PCBP3: variants seen among roughly 807,000 people sequenced by gnomAD.
PCBP3 encodes poly(rC) binding protein 3, also known as poly(rC)-binding protein 3.
PCBP3 carries 25 observed loss-of-function variants against 52.7 expected under a neutral mutation model. The ratio of observed to expected loss-of-function variants is 0.47; its 90% confidence interval spans 0.35 to 0.66. PCBP3 has a LOEUF of 0.66. PCBP3 is among the 30% of genes least tolerant of loss of function. PCBP3 has a pLI of 0.01. For synonymous variants in PCBP3, 162 were observed against 183.0 expected (o/e 0.89, Z 0.93); for missense variants, 391 against 490.3 (o/e 0.80, Z 1.91).
chr21:45,881,009 G>T (rs2095390701), intron 5 of PCBP3, among the ~76,000 whole-genome samples: 1 of 152,196 alleles, frequency 6.6e-6, no homozygotes, highest in Admixed American at 6.5e-5. Context: ...GTGCTCCTGA[G>T]TGGACATGCC....
chr21:45,832,032 T>G (rs1293744841), intron 4 of PCBP3, among the ~76,000 whole-genome samples: 1 of 152,064 alleles, frequency 6.6e-6, no homozygotes, highest in East Asian at 1.9e-4. Flanking sequence ...ATTAAGAAGG[T>G]AAAGGGATAA....
Position 45,672,405 on chromosome 21 carries a change from A to G in PCBP3, c.-200+3453A>G, listed in dbSNP as rs2081228349. Among the ~76,000 whole-genome samples the G allele has an allele frequency of 3.9e-5, 6 of 152,068 alleles. No individual in the cohort carries two copies. The South Asian group carries it at 1.2e-3, about 31-fold the overall frequency. ...TCTTTCTTAGGGGTTAGGGGCTGCA[A>G]GATCCCACAGCCTGCTTTCTGCTTG... is the stretch of plus-strand genomic sequence containing the variant. On this transcript the variant is annotated intron_variant, in intron 2 of 17. Coordinates refer to ENST00000681687, the MANE Select transcript of PCBP3 (RefSeq NM_001384156.1).
In PCBP3 at chr21:45,821,344, C is replaced by A. The variant is rs1425415652; in HGVS notation, c.-125-28617C>A. Among the ~76,000 whole-genome samples the A allele has an allele frequency of 6.6e-6, 1 of 152,046 alleles. No individual in the cohort carries two copies. Among genetic ancestry groups the A allele is most frequent in the Non-Finnish European group, 1.5e-5 (1 of 68,024 alleles). Reference sequence around the variant, plus strand: ...CCTGATGTCCAGCCCAGGAGGTCCTCAACTGAGGTCCAGTACCCCCCTGCA... The same window carrying A: ...CCTGATGTCCAGCCCAGGAGGTCCTAAACTGAGGTCCAGTACCCCCCTGCA... On this transcript the variant is annotated intron_variant, in intron 4 of 17. Transcript: ENST00000681687. This position sits in a 1 kb window ranked among gnomAD's most constrained non-coding sequence, Gnocchi z 4.4.
chr21:45,862,204 C>T (rs1222963979), intron 5 of PCBP3, among the ~76,000 whole-genome samples: 1 of 151,440 alleles, frequency 6.6e-6, no homozygotes, highest in East Asian at 1.9e-4. Context: ...GGGACACGTA[C>T]ATTTAAATCA....
intron 5 of PCBP3, among the ~76,000 whole-genome samples, chr21:45,854,495 G>A (rs773359603): frequency 9.9e-5 from 15 of 152,122 alleles, no homozygotes; most frequent in Admixed American, 2.6e-4. Context: ...ACCGCTACAC[G>A]TGGAATTATA....
At chr21:45,668,195 G>A (rs2080932154) in intron 1 of PCBP3, among the ~76,000 whole-genome samples, 1 of 152,066 alleles carries the variant, frequency 6.6e-6, no homozygotes, top group African/African-American at 2.4e-5. Flanking sequence ...CTCTATGTAT[G>A]CACCATGGCC....
intron 4 of PCBP3, among the ~76,000 whole-genome samples, chr21:45,778,220 T>C (rs547418950): frequency 1.9e-4 from 29 of 152,240 alleles, no homozygotes; most frequent in African/African-American, 7.0e-4. Context: ...CTTCAGTAGG[T>C]TAGGGTGCAG....
intron 4 of PCBP3, among the ~76,000 whole-genome samples, chr21:45,841,570 C>A (rs1435418908): frequency 6.6e-6 from 1 of 152,184 alleles, no homozygotes; most frequent in African/African-American, 2.4e-5. Flanking sequence ...ACATATTACG[C>A]TATGAGTTTC....
intron 2 of PCBP3, among the ~76,000 whole-genome samples, chr21:45,728,930 A>G (rs2085254493): frequency 6.6e-6 from 1 of 152,202 alleles, no homozygotes; most frequent in South Asian, 2.1e-4. Flanking sequence ...TGCACTTAAA[A>G]TGCAATTAAA....
chr21:45,703,286 C>T (rs1165992884), intron 2 of PCBP3, among the ~76,000 whole-genome samples: 1 of 152,174 alleles, frequency 6.6e-6, no homozygotes, highest in Non-Finnish European at 1.5e-5. Context: ...ATTTACTTTG[C>T]CCAGATCCAT....
rs1285494621 is a variant in PCBP3, at chr21:45,724,036, ACT to A, written c.-199-11352_-199-11351del. Among the ~76,000 whole-genome samples, 1 of 151,740 alleles carries A rather than the reference ACT, an allele frequency of 6.6e-6. No individual in the cohort carries two copies. Among genetic ancestry groups the A allele is most frequent in the Non-Finnish European group, 1.5e-5 (1 of 67,952 alleles). The stretch of plus-strand genomic sequence containing the variant: ...TCCTGCTTCTTGTTGGCACTGTAAA[ACT>A]CTCAATTCACTCACCTGGAGGGGGT... On this transcript the variant is annotated intron_variant, in intron 2 of 17. Coordinates refer to ENST00000681687, the MANE Select transcript of PCBP3 (RefSeq NM_001384156.1). This position sits in a 1 kb window ranked among gnomAD's most constrained non-coding sequence, Gnocchi z 5.3.
At chr21:45,778,277 G>A (rs1487968638) in intron 4 of PCBP3, among the ~76,000 whole-genome samples, 3 of 152,176 alleles carry the variant, frequency 2.0e-5, no homozygotes, top group African/African-American at 7.2e-5. Context: ...TGGGATGCCA[G>A]GTGAGCCAGA....
In PCBP3 at chr21:45,917,875, T is replaced by G; in HGVS notation, c.717+246T>G. ...CTCAATTCTGCCGCAGTCCTGGGTT[T>G]TCCTCCCTCCCACGGGGCCTGGGAG... On this transcript the variant is annotated intron_variant, in intron 13 of 17. Transcript: ENST00000681687. This position sits in a 1 kb window ranked among gnomAD's most constrained non-coding sequence, Gnocchi z 5.3. 5.6e-6 allele frequency: 3 copies of G among 533,896 alleles called. No homozygotes were observed. Among genetic ancestry groups the G allele is most frequent in the Admixed American group, 2.5e-5 (1 of 40,338 alleles). The allele number at this position is 533,896 out of a possible 1,614,324, so 33.1% of individuals were successfully genotyped here. A position where few individuals can be genotyped will look rare whatever the true frequency, so the allele number is the denominator to read the frequency against.
intron 2 of PCBP3, among the ~76,000 whole-genome samples, chr21:45,691,416 A>G (rs1383175349): frequency 7.1e-6 from 1 of 141,204 alleles, no homozygotes; most frequent in Non-Finnish European, 1.5e-5. Flanking sequence ...TATATATTAT[A>G]TATATATAAA....
chr21:45,843,140 T>C (rs1288497417), intron 4 of PCBP3, among the ~76,000 whole-genome samples: 1 of 152,156 alleles, frequency 6.6e-6, no homozygotes, highest in African/African-American at 2.4e-5. Flanking sequence ...TCCCCCTTCT[T>C]CCCTCCAGCT....
At chr21:45,689,166 T>C (rs1206259979) in intron 2 of PCBP3, among the ~76,000 whole-genome samples, 1 of 151,882 alleles carries the variant, frequency 6.6e-6, no homozygotes, top group Non-Finnish European at 1.5e-5. Context: ...ATCATAGATA[T>C]AAAAGTCCTT....
chr21:45,699,409 T>G (rs962873889), intron 2 of PCBP3, among the ~76,000 whole-genome samples: 3 of 152,148 alleles, frequency 2.0e-5, no homozygotes, highest in African/African-American at 7.2e-5. Flanking sequence ...TGCACTCCAG[T>G]AGAGCTTTCA....
At chr21:45,933,163 C>A (rs1002057682) in intron 15 of PCBP3, among the ~76,000 whole-genome samples, 2 of 146,990 alleles carry the variant, frequency 1.4e-5, no homozygotes, top group African/African-American at 5.2e-5. Context: ...GAATGAACAC[C>A]TGGGCCATGC....
rs1198570645 is a variant in PCBP3 at position 45,926,587 on chromosome 21, CG to C, written c.718-3329del. Among the ~76,000 whole-genome samples the C allele has an allele frequency of 2.0e-5, 3 of 152,052 alleles. No homozygotes were observed. In the East Asian group the frequency reaches 5.8e-4, roughly 29 times the overall value. On this transcript the variant is annotated intron_variant, in intron 13 of 17. Transcript: ENST00000681687. ...AGGATCCCTCACACAGGAAGGAAGC[CG>C]TCTATGAGACTTGGACAGGACAGAG...
Sources: allele counts gnomAD v4.1 joint callset (sites outside exome capture counted in the v4.1 genomes callset), GRCh38; gene constraint gnomAD v4.1.1; non-coding constraint Gnocchi (gnomAD v3.1); transcripts MANE v1.5; gene names NCBI Gene and HGNC (gene_info 2026-07-23, HGNC 2026-07-21).